The following DMD variants were observed in gnomAD, a reference collection of about 807,000 sequenced individuals.
The protein encoded by DMD is dystrophin, also known as mutant dystrophin.
A neutral mutation model predicts 330.1 loss-of-function variants in DMD; 63 were observed. The ratio of observed to expected loss-of-function variants is 0.19; its 90% CI spans 0.16 to 0.24. The LOEUF is 0.24. Among genes scored for constraint, DMD ranks in the 10% least tolerant of loss-of-function variants. The pLI, the probability that DMD is intolerant of heterozygous loss-of-function variation, is 1.00. For synonymous variants in DMD, 1,223 were observed against 959.8 expected (o/e 1.27, Z -5.07); for missense variants, 3,344 against 2,684.1 (o/e 1.25, Z -5.43).
At chrX:31,431,483 C>T (rs1177053746) in intron 60 of DMD, among the ~76,000 whole-genome samples, 7 of 111,525 alleles carry the variant, frequency 6.3e-5, no homozygotes, top group South Asian at 7.6e-4. Context: ...CAGCAACCTC[C>T]GCCTCCTGGG....
At chrX:31,794,083 T>A (rs1010928019) in intron 50 of DMD, among the ~76,000 whole-genome samples, 1 of 111,661 alleles carries the variant, frequency 9.0e-6, no homozygotes, top group Non-Finnish European at 1.9e-5. Context: ...TATCTGAGAC[T>A]ACAGCACAGT....
chrX:31,166,129 G>T (rs1280363196), intron 74 of DMD, among the ~76,000 whole-genome samples: 1 of 112,248 alleles, frequency 8.9e-6, no homozygotes, highest in East Asian at 2.8e-4. Context: ...ATGCATGTAT[G>T]CTACAATTAA....
chrX:32,327,431 GAATA>G (rs764447665), intron 41 of DMD, among the ~76,000 whole-genome samples: 3 of 110,331 alleles, frequency 2.7e-5, no homozygotes, highest in African/African-American at 6.6e-5. Flanking sequence ...TCTGACCTCT[GAATA>G]AATAAAGTGC....
In DMD at chrX:32,108,531, T is replaced by A. The variant is rs1026741362; in HGVS notation, c.6438+108385A>T. Among the ~76,000 whole-genome samples, 34 of 111,607 alleles carry A rather than the reference T, an allele frequency of 3.0e-4. No individual in the cohort carries two copies. The Admixed American group carries it at 3.2e-3, about 10-fold the overall frequency. On this transcript the variant is annotated intron_variant, in intron 44 of 78. Coordinates refer to ENST00000357033, the MANE Select transcript of DMD (RefSeq NM_004006.3). The stretch of plus-strand genomic sequence containing the variant: ...AAAAGTGCCTTTTCCTGAGGACATG[T>A]GATACAATGATGGCATTTACAGAAA...
At chrX:32,553,522 ATC>A (rs1429044969) in intron 16 of DMD, among the ~76,000 whole-genome samples, 3 of 111,140 alleles carry the variant, frequency 2.7e-5, no homozygotes, top group Non-Finnish European at 5.7e-5. Context: ...CATGCAATTT[ATC>A]TATATGACAA....
At chrX:32,510,963 C>G (rs1387559380) in intron 18 of DMD, among the ~76,000 whole-genome samples, 1 of 109,462 alleles carries the variant, frequency 9.1e-6, no homozygotes, top group Admixed American at 9.7e-5. Context: ...CTCTGATCTT[C>G]CACCTCCTCT....
intron 4 of DMD, among the ~76,000 whole-genome samples, chrX:32,834,806 C>T (rs1165943130): frequency 1.8e-5 from 2 of 111,320 alleles, no homozygotes; most frequent in Admixed American, 9.6e-5. Flanking sequence ...ATTAAGTCAG[C>T]GAAGTCTTGG....
chrX:32,949,256 ACACACAC>A (rs1230526925), intron 2 of DMD, among the ~76,000 whole-genome samples: 4 of 17,068 alleles, frequency 2.3e-4, no homozygotes, highest in African/African-American at 9.8e-4. Context: ...TTACATACAC[ACACACAC>A]ACACACACAC....
chrX:31,689,215 A>G (rs1417383959), intron 52 of DMD, among the ~76,000 whole-genome samples: 1 of 112,073 alleles, frequency 8.9e-6, no homozygotes, highest in East Asian at 2.8e-4. Context: ...TATATTTAGA[A>G]AACCCCATCG....
At chrX:32,514,859 T>C (rs948335888) in intron 18 of DMD, among the ~76,000 whole-genome samples, 1 of 112,682 alleles carries the variant, frequency 8.9e-6, no homozygotes, top group African/African-American at 3.2e-5. Context: ...CTTTTAGTGA[T>C]AGCAGGAGAG....
intron 44 of DMD, among the ~76,000 whole-genome samples, chrX:32,110,264 C>G (rs1169673341): frequency 9.0e-6 from 1 of 111,348 alleles, no homozygotes; most frequent in Non-Finnish European, 1.9e-5. Flanking sequence ...AAATCTTCCT[C>G]GATTTATCCT....
chrX:31,420,734 G>A (rs1260766436), intron 60 of DMD, among the ~76,000 whole-genome samples: 1 of 112,232 alleles, frequency 8.9e-6, no homozygotes, highest in Non-Finnish European at 1.9e-5. Context: ...GTGCCCACAG[G>A]AATGTGTTCA....
intron 1 of DMD, among the ~76,000 whole-genome samples, chrX:33,163,296 C>G (rs1023674152): frequency 3.6e-5 from 4 of 109,649 alleles, no homozygotes; most frequent in Middle Eastern, 4.8e-3. Context: ...CAGCACTTTG[C>G]GAGGCCGAGG....
chrX:32,484,601 T>C (rs2042238375), intron 21 of DMD, among the ~76,000 whole-genome samples: 1 of 112,173 alleles, frequency 8.9e-6, no homozygotes, highest in South Asian at 3.6e-4. Flanking sequence ...AATTGAAGTG[T>C]ATTCATATGA....
chrX:32,445,661 G>C (rs1410912666), intron 27 of DMD, among the ~76,000 whole-genome samples: 3 of 110,508 alleles, frequency 2.7e-5, no homozygotes, highest in Admixed American at 1.9e-4. Flanking sequence ...GTTGGGTGTA[G>C]TTATTGGAAA....
chrX:32,285,094 C>T (rs1160300), intron 43 of DMD, among the ~76,000 whole-genome samples: 23,029 of 111,381 alleles, frequency 0.21, 2,095 homozygotes, highest in African/African-American at 0.34. Flanking sequence ...ATGAGTAAAG[C>T]GGAGGAGAAA....
At chrX:32,642,400 G>C (rs1242776123) in intron 11 of DMD, among the ~76,000 whole-genome samples, 2 of 111,782 alleles carry the variant, frequency 1.8e-5, no homozygotes, top group Non-Finnish European at 3.8e-5. Flanking sequence ...ACGTACAAAA[G>C]CTCTTGAATC....
At chrX:32,451,433 A>C (rs67169921) in intron 26 of DMD, among the ~76,000 whole-genome samples, 56,572 of 109,644 alleles carry the variant, frequency 0.52, 12,103 homozygotes, top group East Asian at 0.77. Flanking sequence ...ATAACTTTCC[A>C]GAGTGTTTTT....
At chrX:32,820,456 A>AT (rs1569528628) in intron 5 of DMD, among the ~76,000 whole-genome samples, 6 of 111,762 alleles carry the variant, frequency 5.4e-5, no homozygotes, top group African/African-American at 2.0e-4. Context: ...ATAAAAAATA[A>AT]AAAAATAATA....
Sources: gnomAD v4.1 joint callset for allele counts (sites outside exome capture counted in the v4.1 genomes callset) on GRCh38, gnomAD v4.1.1 for gene constraint, MANE v1.5 for transcripts, NCBI Gene and HGNC (gene_info 2026-07-23, HGNC 2026-07-21) for gene names.